Variants in RPP38 observed in about 807,000 individuals in gnomAD.
The protein encoded by RPP38 is ribonuclease P protein subunit p38.
A neutral mutation model predicts 1.7 loss-of-function variants in RPP38; 2 were observed. The observed-to-expected ratio is 1.18, with a 90% CI of 0.48 to 3.70. The LOEUF (loss-of-function observed/expected upper bound fraction) is 3.70. RPP38 is among the 30% of genes most tolerant of loss of function. RPP38 has a pLI of 0.07. For synonymous variants in RPP38, 151 were observed against 131.8 expected (o/e 1.15, Z -1.00); for missense variants, 358 against 340.1 (o/e 1.05, Z -0.41).
chr10:15,099,094 G>A lies in RPP38; in HGVS notation c.-130+1328G>A, dbSNP rs545460395. ...GTGAGAAAAAATACTTAATCTTTAT[G>A]GCCTGGCACATCGTGGATAATCGAT... is the stretch of plus-strand genomic sequence containing the variant. On this transcript the variant is annotated intron_variant, in intron 1 of 2. Transcript: ENST00000378197. Among the ~76,000 whole-genome samples, 4 of 152,200 alleles carry A rather than the reference G, an allele frequency of 2.6e-5. No homozygotes were observed. In the South Asian group the frequency reaches 8.3e-4, roughly 32 times the overall value.
chr10:15,098,344 C>A (rs1336299565), intron 1 of RPP38, among the ~76,000 whole-genome samples: 1 of 149,552 alleles, frequency 6.7e-6, no homozygotes, highest in Non-Finnish European at 1.5e-5. Context: ...CCTGCCTCAG[C>A]CTCCCGAGTA....
At chr10:15,100,402 T>C (rs1845076129) in intron 1 of RPP38, among the ~76,000 whole-genome samples, 1 of 152,054 alleles carries the variant, frequency 6.6e-6, no homozygotes, top group Non-Finnish European at 1.5e-5. Flanking sequence ...TCCTGAGCTC[T>C]AGGGGAGCAT....
At chr10:15,099,433 A>G (rs1845052286) in intron 1 of RPP38, among the ~76,000 whole-genome samples, 1 of 150,924 alleles carries the variant, frequency 6.6e-6, no homozygotes. Context: ...GGAGTTGAAG[A>G]CCAGCCCAGG....
At position 15,103,966 on chromosome 10, in the gene RPP38, A is replaced by G. The variant is rs759006449; in HGVS notation, c.652A>G (p.Asn218Asp). Residue 218 changes from asparagine (N) to aspartate (D), a missense_variant, in exon 3 of 3, where the codon AAT (asparagine) becomes GAT (aspartate). Transcript: ENST00000378197. ...AGACAGAATTGAAGATTCTGGGGAA[A>G]ATTTAGAGACTGAACCTCTGGAAAG... ...LQDRIEDSGENLETEPLESQD... is the reference protein window; with the variant it reads ...LQDRIEDSGEDLETEPLESQD... 11 of 1,614,092 alleles carry G rather than the reference A, an allele frequency of 6.8e-6. No individual in the cohort carries two copies. Among genetic ancestry groups the G allele is most frequent in the Non-Finnish European group, 8.5e-6 (10 of 1,180,016 alleles).
At position 15,097,704 on chromosome 10, in the gene RPP38, G is replaced by C. The variant is rs1469335288; in HGVS notation, c.-192G>C. The C allele has an allele frequency of 1.3e-5, 2 of 152,272 alleles. No individual in the cohort carries two copies. Among genetic ancestry groups the C allele is most frequent in the South Asian group, 2.1e-4 (1 of 4,828 alleles). The allele number at this position is 152,272 out of a possible 1,614,324, so 9.4% of individuals were successfully genotyped here. ...CCCCGCCGGCCCTTCTGTTCTCCAC[G>C]GTCTCCAAGGAGACACGGACAACAG... On this transcript the variant is annotated 5_prime_UTR_variant, in exon 1 of 3. Transcript: ENST00000378197.
intron 2 of RPP38, 100 bp from the exon 3 acceptor site, chr10:15,103,205 C>T: frequency 8.9e-7 from 1 of 1,122,436 alleles, no homozygotes; most frequent in Non-Finnish European, 1.2e-6. Flanking sequence ...AAAATAAATA[C>T]ATAAATAAAT....
chr10:15,103,139 C>G (rs1845166049), intron 2 of RPP38, 166 bp from the exon 3 acceptor site: 2 of 529,830 alleles, frequency 3.8e-6, no homozygotes, highest in South Asian at 5.4e-5. Context: ...TTGCAGTGAG[C>G]TGAGATTGTG....
intron 1 of RPP38, among the ~76,000 whole-genome samples, chr10:15,101,228 A>G (rs1447758962): frequency 6.6e-6 from 1 of 152,254 alleles, no homozygotes; most frequent in African/African-American, 2.4e-5. Context: ...CAAATAATAC[A>G]TGGAGAGAGT....
rs1042905379 is a variant in RPP38, at chr10:15,103,159, T to G, written c.-10-146T>G. On this transcript the variant is annotated intron_variant, in intron 2 of 2. Transcript: ENST00000378197. ...GTGAGCTGAGATTGTGCCACTGCACTCCAGCCTGGGCAACAAGAGTGAAAT... is the reference window on the plus strand; with the variant it reads ...GTGAGCTGAGATTGTGCCACTGCACGCCAGCCTGGGCAACAAGAGTGAAAT... 5 of 711,968 alleles carry G rather than the reference T, an allele frequency of 7.0e-6. No individual in the cohort carries two copies. The South Asian group carries it at 1.1e-4, about 16-fold the overall frequency. The allele number at this position is 711,968 out of a possible 1,614,324, so 44.1% of individuals were successfully genotyped here.
Position 15,102,200 on chromosome 10 carries a change from T to C in RPP38, c.-129-18T>C, listed in dbSNP as rs1845127964. 6.6e-6 allele frequency: 1 copy of C among 151,200 alleles called. No homozygotes were observed. The highest frequency in any genetic ancestry group is 1.9e-4 in the East Asian group (1 of 5,170). 9.4% of individuals were successfully genotyped at this position (151,200 alleles called of 1,614,324 possible). ...TACTGGAGGTGCTCAGATCATTTTT[T>C]TTTTTTTTTTTTTGCAGACAGGGTC... On this transcript the variant is annotated intron_variant, in intron 1 of 2. Transcript: ENST00000378197.
chr10:15,097,479 T>C lies in RPP38; in HGVS notation c.-417T>C, dbSNP rs1844969389. The C allele has an allele frequency of 6.6e-6, 1 of 152,190 alleles. No individual in the cohort carries two copies. The highest frequency in any genetic ancestry group is 2.1e-4 in the South Asian group (1 of 4,838). 9.4% of individuals were successfully genotyped at this position (152,190 alleles called of 1,614,324 possible). Reference sequence around the variant, plus strand: ...GGATCGGGCCCGGGACTCTGCGGAATCTGGAGGCCGAAGCCCGCGCGCACG... The same window carrying C: ...GGATCGGGCCCGGGACTCTGCGGAACCTGGAGGCCGAAGCCCGCGCGCACG... On this transcript the variant is annotated 5_prime_UTR_variant, in exon 1 of 3. Transcript: ENST00000378197.
At chr10:15,103,186 C>A (rs937392885) in intron 2 of RPP38, 119 bp from the exon 3 acceptor site, 5 of 965,200 alleles carry the variant, frequency 5.2e-6, no homozygotes, top group Admixed American at 3.2e-5. Flanking sequence ...GAGTGAAATT[C>A]TGTCTCAAAA....
intron 1 of RPP38, among the ~76,000 whole-genome samples, chr10:15,100,976 C>T (rs1327302910): frequency 6.6e-6 from 1 of 152,172 alleles, no homozygotes; most frequent in Non-Finnish European, 1.5e-5. Context: ...CCACTGCACC[C>T]GGCCTGGGGC....
At position 15,104,033 on chromosome 10, in the gene RPP38, C is replaced by G. The variant is rs1169682102; in HGVS notation, c.719C>G (p.Ser240Ter). The change falls in exon 3 of 3, where the codon TCA (serine) becomes TGA (stop). Residue 240 changes from serine (S) to a stop codon, truncating the protein, a stop_gained. Transcript: ENST00000378197. LOFTEE classifies it high-confidence loss of function. The part of the protein sequence containing the change: ...ELLDTSFEDL[S>*]KPKRKLADGR... Reference sequence around the variant, plus strand: ...TTGGACACTTCATTTGAAGATCTGTCAAAACCTAAGAGAAAGCTTGCTGAC... The same window carrying G: ...TTGGACACTTCATTTGAAGATCTGTGAAAACCTAAGAGAAAGCTTGCTGAC... The G allele has an allele frequency of 1.2e-6, 2 of 1,613,754 alleles. No individual in the cohort carries two copies. The highest frequency in any genetic ancestry group is 2.7e-5 in the African/African-American group (2 of 74,880).
At chr10:15,098,884 CAAAAAAA>C (rs781428605) in intron 1 of RPP38, among the ~76,000 whole-genome samples, 1 of 39,688 alleles carries the variant, frequency 2.5e-5, no homozygotes, top group South Asian at 7.5e-4. Flanking sequence ...GACTCCGTCT[CAAAAAAA>C]AAAAAAAAAA....
intron 1 of RPP38, among the ~76,000 whole-genome samples, chr10:15,099,427 T>C (rs764045003): frequency 1.3e-5 from 2 of 151,694 alleles, no homozygotes; most frequent in Non-Finnish European, 2.9e-5. Flanking sequence ...AGCCTAGGAG[T>C]TGAAGACCAG....
At chr10:15,098,237 T>TTTTTG (rs1845005355) in intron 1 of RPP38, among the ~76,000 whole-genome samples, 1 of 145,454 alleles carries the variant, frequency 6.9e-6, no homozygotes, top group Non-Finnish European at 1.5e-5. Flanking sequence ...TTTTTTTTTT[T>TTTTTG]TTTTTTTTTT....
Position 15,104,080 on chromosome 10 carries a change from T to C in RPP38, c.766T>C (p.Leu256=), listed in dbSNP as rs35652795. 2.6e-3 allele frequency: 4,169 copies of C among 1,610,650 alleles called. 92 individuals are homozygous for C. In the African/African-American group the frequency reaches 0.049, roughly 19 times the overall value. Reference sequence around the variant, plus strand: ...TGACGGTCGGCAGGCTTCTGTAACATTACAACCCCTTAAAATAAAGAAACT... The same window carrying C: ...TGACGGTCGGCAGGCTTCTGTAACACTACAACCCCTTAAAATAAAGAAACT... The part of the protein sequence containing the change: ...LADGRQASVT[L]QPLKIKKLIP... Residue 256 remains leucine (L), a synonymous_variant, in exon 3 of 3, where the codon TTA becomes CTA. Coordinates refer to ENST00000378197, the MANE Select transcript of RPP38 (RefSeq NM_183005.5).
Position 15,103,287 on chromosome 10 carries a change from C to T in RPP38, c.-10-18C>T. On this transcript the variant is annotated intron_variant, in intron 2 of 2. Coordinates refer to ENST00000378197, the MANE Select transcript of RPP38 (RefSeq NM_183005.5). The stretch of plus-strand genomic sequence containing the variant: ...CGCTAACATGAATTTTTTCTGTTGT[C>T]ATTTTGCTTCTTGGAAGGATTTTCA... 1 of 1,547,016 alleles carries T rather than the reference C, an allele frequency of 6.5e-7. No homozygotes were observed. The highest frequency in any genetic ancestry group is 8.7e-7 in the Non-Finnish European group (1 of 1,150,836).
Sources: gnomAD v4.1 joint callset for allele counts (sites outside exome capture counted in the v4.1 genomes callset) on GRCh38, gnomAD v4.1.1 for gene constraint, MANE v1.5 for transcripts, NCBI Gene and HGNC (gene_info 2026-07-23, HGNC 2026-07-21) for gene names.